Variants in UBLCP1 observed in about 807,000 individuals in gnomAD.
UBLCP1 encodes ubiquitin like domain containing CTD phosphatase 1.
In UBLCP1, 28 loss-of-function variants were observed where a neutral mutation model predicts 42.4. The observed-to-expected ratio is 0.66, with a 90% CI of 0.49 to 0.90. UBLCP1 has a LOEUF of 0.90. UBLCP1 is among the 40% of genes least tolerant of loss of function. UBLCP1 has a pLI of 0.00. For synonymous variants in UBLCP1, 122 were observed against 120.8 expected, an observed-to-expected ratio of 1.01 and a Z score of -0.07; for missense variants, 279 against 374.5, an observed-to-expected ratio of 0.75 and a Z score of 2.10.
chr5:159,277,426 G>GT (rs1245606612), intron 8 of UBLCP1, among the ~76,000 whole-genome samples: 1 of 151,716 alleles, frequency 6.6e-6, no homozygotes, highest in Admixed American at 6.6e-5. Context: ...TCATAATACC[G>GT]TAAGACTTCT....
Position 159,285,621 on chromosome 5 carries a change from G to C in UBLCP1, c.*690G>C, listed in dbSNP as rs1753670342. ...CAGCTGTGTCTTAGTATGAGAAACA[G>C]AAGACTGAAGAATAAAAACTAAGGA... On this transcript the variant is annotated 3_prime_UTR_variant, in exon 11 of 11. Coordinates refer to ENST00000296786, the MANE Select transcript of UBLCP1 (RefSeq NM_145049.5). 1 of 152,094 alleles carries C rather than the reference G, an allele frequency of 6.6e-6. No individual in the cohort carries two copies. Among genetic ancestry groups the C allele is most frequent in the Middle Eastern group, 3.2e-3 (1 of 316 alleles). 9.4% of individuals were successfully genotyped at this position (152,094 alleles called of 1,614,324 possible). A position where few individuals can be genotyped will look rare whatever the true frequency, so the allele number is the denominator to read the frequency against.
At chr5:159,263,440 G>C (rs1259649586) in intron 1 of UBLCP1, 80 bp downstream of exon 1, 2 of 152,334 alleles carry the variant, frequency 1.3e-5, no homozygotes, top group Non-Finnish European at 2.9e-5. Flanking sequence ...TGCGGCCCGC[G>C]CGGCGTGGCT....
chr5:159,264,832 A>G (rs1025291365), intron 1 of UBLCP1, among the ~76,000 whole-genome samples: 3 of 152,242 alleles, frequency 2.0e-5, no homozygotes, highest in Non-Finnish European at 2.9e-5. Context: ...TAGAAGAGCA[A>G]TCACTTGTCC....
chr5:159,272,150 C>T (rs750861072), intron 6 of UBLCP1, 29 bp downstream of exon 6: 47 of 1,551,142 alleles, frequency 3.0e-5, no homozygotes, highest in Non-Finnish European at 3.8e-5. Context: ...TTTAGATTTC[C>T]GTGGAAATAG....
chr5:159,280,949 T>C (rs1753599843), intron 9 of UBLCP1, among the ~76,000 whole-genome samples: 1 of 152,248 alleles, frequency 6.6e-6, no homozygotes, highest in Non-Finnish European at 1.5e-5. Flanking sequence ...CTAAAAATGC[T>C]TCCTTGACCT....
Position 159,283,245 on chromosome 5 carries a change from G to GAT in UBLCP1, c.837_838dup (p.Lys280IlefsTer7), listed in dbSNP as rs1376371595. 6.2e-7 allele frequency: 1 copy of GAT among 1,606,994 alleles called. No homozygotes were observed. Among genetic ancestry groups the GAT allele is most frequent in the African/African-American group, 1.3e-5 (1 of 74,540 alleles). ...TTTTATGAAAGCGCACCTAAATCGT[G>GAT]ATAAAGACAAAGAACTTTTAAAATT... On this transcript the variant is annotated frameshift_variant, in exon 10 of 11. Transcript: ENST00000296786. LOFTEE classifies it high-confidence loss of function.
intron 9 of UBLCP1, among the ~76,000 whole-genome samples, chr5:159,282,796 AATC>A (rs1317341173): frequency 5.3e-5 from 8 of 152,098 alleles, no homozygotes; most frequent in South Asian, 2.1e-4. Flanking sequence ...ATAAAATAAA[AATC>A]ATCGTTAAAA....
intron 2 of UBLCP1, 52 bp downstream of exon 2, chr5:159,269,121 A>G (rs767138738): frequency 2.3e-6 from 3 of 1,302,094 alleles, no homozygotes; most frequent in Non-Finnish European, 3.1e-6. Flanking sequence ...AGTATTATGA[A>G]TTTTAATAAT....
chr5:159,271,738 A>G (rs1050859753), intron 5 of UBLCP1, among the ~76,000 whole-genome samples: 3 of 152,242 alleles, frequency 2.0e-5, no homozygotes, highest in Non-Finnish European at 4.4e-5. Context: ...TCTAAACTTT[A>G]GAGACTAGGT....
At chr5:159,265,695 AG>A (rs1034602870) in intron 1 of UBLCP1, among the ~76,000 whole-genome samples, 1 of 152,178 alleles carries the variant, frequency 6.6e-6, no homozygotes, top group African/African-American at 2.4e-5. Flanking sequence ...TGGATTTATC[AG>A]GGGTTTCCGC....
Position 159,285,108 on chromosome 5 carries a change from T to C in UBLCP1, c.*177T>C. Reference sequence around the variant, plus strand: ...TTTTTTGAAGATGATAGCAATATGCTAAAAAATGCTTGTCCCCTATATGAA... The same window carrying C: ...TTTTTTGAAGATGATAGCAATATGCCAAAAAATGCTTGTCCCCTATATGAA... On this transcript the variant is annotated 3_prime_UTR_variant, in exon 11 of 11. Coordinates refer to ENST00000296786, the MANE Select transcript of UBLCP1 (RefSeq NM_145049.5). 1.7e-6 allele frequency: 1 copy of C among 594,714 alleles called. No homozygotes were observed. Among genetic ancestry groups the C allele is most frequent in the Non-Finnish European group, 2.9e-6 (1 of 344,074 alleles). The allele number at this position is 594,714 out of a possible 1,614,324, so 36.8% of individuals were successfully genotyped here.
chr5:159,283,768 A>G lies in UBLCP1; in HGVS notation c.929+429A>G, dbSNP rs575918791. ...AAATTACCAGTAACTTGAGTGTAGC[A>G]GAGAAATTAGAAAAGTTTATCCTAC... On this transcript the variant is annotated intron_variant, in intron 10 of 10. Coordinates refer to ENST00000296786, the MANE Select transcript of UBLCP1 (RefSeq NM_145049.5). 5.9e-5 allele frequency among the ~76,000 whole-genome samples: 9 copies of G among 152,258 alleles called. No individual in the cohort carries two copies. In the South Asian group the frequency reaches 1.0e-3, roughly 18 times the overall value.
At chr5:159,269,844 T>C in intron 2 of UBLCP1, 64 bp from the exon 3 acceptor site, 1 of 1,302,752 alleles carries the variant, frequency 7.7e-7, no homozygotes, top group South Asian at 1.2e-5. Context: ...GGGTTTTATA[T>C]AATGGAATAG....
chr5:159,267,443 C>A (rs1051687078), intron 1 of UBLCP1, among the ~76,000 whole-genome samples: 2 of 152,146 alleles, frequency 1.3e-5, no homozygotes, highest in African/African-American at 4.8e-5. Context: ...ATTTTACAGG[C>A]TCATAGGCAG....
In UBLCP1 at chr5:159,269,967, A is replaced by G. The variant is rs1753444202; in HGVS notation, c.214A>G (p.Ile72Val). Residue 72 changes from isoleucine (I) to valine (V), a missense_variant, in exon 3 of 11, where the codon ATC becomes GTC. By Grantham distance (29) the Ile-to-Val change is conservative (BLOSUM62 3). Transcript: ENST00000296786. ...GALKLKPNTK[I>V]MMMGTREESL... ...TCTCAAACTGAAACCAAATACTAAA[A>G]TCATGATGATGGGAACTCGTGAGGA... is the stretch of plus-strand genomic sequence containing the variant. The G allele has an allele frequency of 6.2e-7, 1 of 1,612,554 alleles. No individual in the cohort carries two copies. Among genetic ancestry groups the G allele is most frequent in the African/African-American group, 1.3e-5 (1 of 74,886 alleles).
At chr5:159,273,343 A>T (rs1753494802) in intron 6 of UBLCP1, among the ~76,000 whole-genome samples, 3 of 152,294 alleles carry the variant, frequency 2.0e-5, no homozygotes, top group Non-Finnish European at 2.9e-5. Context: ...AATTATTTTT[A>T]TAAACTGTGA....
At position 159,285,294 on chromosome 5, in the gene UBLCP1, CAAGTT is replaced by C. The variant is rs1354574810; in HGVS notation, c.*365_*369del. On this transcript the variant is annotated 3_prime_UTR_variant, in exon 11 of 11. Coordinates refer to ENST00000296786, the MANE Select transcript of UBLCP1 (RefSeq NM_145049.5). Reference sequence around the variant, plus strand: ...CAATGTCATTTTGTGACTTTGGAAACAAGTTATGTTTTGTGTTTTTGTCTCATTGT... The same window carrying C: ...CAATGTCATTTTGTGACTTTGGAAACATGTTTTGTGTTTTTGTCTCATTGT... 3 of 157,044 alleles carry C rather than the reference CAAGTT, an allele frequency of 1.9e-5. No individual in the cohort carries two copies. Among genetic ancestry groups the C allele is most frequent in the African/African-American group, 5.5e-5 (2 of 36,314 alleles). 9.7% of individuals were successfully genotyped at this position (157,044 alleles called of 1,614,324 possible).
rs200430594 is a variant in UBLCP1 at position 159,278,234 on chromosome 5, T to G, written c.685-4T>G. The G allele has an allele frequency of 6.3e-7, 1 of 1,594,234 alleles. No individual in the cohort carries two copies. The highest frequency in any genetic ancestry group is 1.1e-5 in the South Asian group (1 of 90,408). ...TTGAGTTAAATGTAAACTTTTATTC[T>G]AAGGTAAAGCCTCTTGGTGTTATAT... On this transcript the variant is annotated splice_polypyrimidine_tract_variant and splice_region_variant and intron_variant, in intron 8 of 10. Transcript: ENST00000296786.
intron 1 of UBLCP1, among the ~76,000 whole-genome samples, chr5:159,265,193 C>G (rs765536043): frequency 3.3e-5 from 5 of 152,152 alleles, no homozygotes; most frequent in Non-Finnish European, 7.3e-5. Flanking sequence ...TTATGGCTCT[C>G]TCTTCTAATT....
Sources: gnomAD v4.1 joint callset for allele counts (sites outside exome capture counted in the v4.1 genomes callset) on GRCh38, gnomAD v4.1.1 for gene constraint, MANE v1.5 for transcripts, NCBI Gene and HGNC (gene_info 2026-07-23, HGNC 2026-07-21) for gene names.